Variants in ST3GAL4 observed in about 807,000 individuals in gnomAD.
ST3GAL4 encodes the protein ST3 beta-galactoside alpha-2,3-sialyltransferase 4, also known as CMP-N-acetylneuraminate-beta-galactosamide-alpha-2,3-sialyltransferase 4.
ST3GAL4 carries 24 observed loss-of-function variants against 42.6 expected under a neutral mutation model. The observed-to-expected ratio is 0.56, with a 90% CI of 0.41 to 0.79. The LOEUF (loss-of-function observed/expected upper bound fraction) is 0.79. Ranked by LOEUF, ST3GAL4 falls within the 30% of genes least tolerant of loss-of-function variation. ST3GAL4 has a pLI of 0.00. For synonymous variants in ST3GAL4, 135 were observed against 163.2 expected, an observed-to-expected ratio of 0.83 and a Z score of 1.32; for missense variants, 311 against 430.8, an observed-to-expected ratio of 0.72 and a Z score of 2.46.
In ST3GAL4 at chr11:126,359,326, T is replaced by C. The variant is rs904480094; in HGVS notation, c.-61+3484T>C. Among the ~76,000 whole-genome samples, 1 of 151,520 alleles carries C rather than the reference T, an allele frequency of 6.6e-6. No individual in the cohort carries two copies. The highest frequency in any genetic ancestry group is 1.5e-5 in the Non-Finnish European group (1 of 67,950). On this transcript the variant is annotated intron_variant, in intron 1 of 10. Coordinates refer to ENST00000444328, the MANE Select transcript of ST3GAL4 (RefSeq NM_001254757.2). This position sits in a 1 kb window ranked among gnomAD's most constrained non-coding sequence, Gnocchi z 4.8. ...AAAAAAAAAAAGATGTGCTAGACACTTTACGTCCCTTCATGTGAGCTTCAC... is the reference window on the plus strand; with the variant it reads ...AAAAAAAAAAAGATGTGCTAGACACCTTACGTCCCTTCATGTGAGCTTCAC...
chr11:126,369,350 C>T (rs1004543758), intron 1 of ST3GAL4, among the ~76,000 whole-genome samples: 8 of 151,960 alleles, frequency 5.3e-5, no homozygotes, highest in African/African-American at 1.9e-4. Flanking sequence ...TGGATTCAAG[C>T]GATTCTCATG....
intron 1 of ST3GAL4, among the ~76,000 whole-genome samples, chr11:126,371,353 C>T (rs1291228144): frequency 1.1e-4 from 16 of 151,398 alleles, no homozygotes; most frequent in African/African-American, 2.9e-4. Context: ...TTAGTAGAGA[C>T]GGGGTTTCAC....
chr11:126,395,396 C>T (rs1326254237), intron 1 of ST3GAL4, among the ~76,000 whole-genome samples: 3 of 152,062 alleles, frequency 2.0e-5, no homozygotes, highest in Admixed American at 6.5e-5. Flanking sequence ...AGAGAGATAG[C>T]CAGGCCCATG....
In ST3GAL4 at chr11:126,398,421, C is replaced by T. The variant is rs1045355116; in HGVS notation, c.-60-7675C>T. On this transcript the variant is annotated intron_variant, in intron 1 of 10. Coordinates refer to ENST00000444328, the MANE Select transcript of ST3GAL4 (RefSeq NM_001254757.2). This position sits in a 1 kb window ranked among gnomAD's most constrained non-coding sequence, Gnocchi z 4.7. ...TAGGGACTTGGGCCCCCAAGGCCTC[C>T]GGCAGCCCTGCTTCCCTGGCCTTGC... Among the ~76,000 whole-genome samples the T allele has an allele frequency of 9.8e-5, 15 of 152,318 alleles. No individual in the cohort carries two copies. The highest frequency in any genetic ancestry group is 1.9e-4 in the East Asian group (1 of 5,180).
chr11:126,410,304 G>A lies in ST3GAL4; in HGVS notation c.771+893G>A, dbSNP rs1484171739. 6.6e-6 allele frequency among the ~76,000 whole-genome samples: 1 copy of A among 152,174 alleles called. No homozygotes were observed. The highest frequency in any genetic ancestry group is 2.4e-5 in the African/African-American group (1 of 41,430). On this transcript the variant is annotated intron_variant, in intron 9 of 10. Transcript: ENST00000444328. This position sits in a 1 kb window ranked among gnomAD's most constrained non-coding sequence, Gnocchi z 5.3. ...GCAGTGCCCTGGTGGTCTTCAGCTG[G>A]TGGGCTTTAACCCACTTTGTAGCTT...
At chr11:126,375,592 T>G (rs1952806507) in intron 1 of ST3GAL4, among the ~76,000 whole-genome samples, 1 of 152,108 alleles carries the variant, frequency 6.6e-6, no homozygotes, top group Admixed American at 6.5e-5. Context: ...GGCTCTACAA[T>G]GGAGGTAATT....
rs1277015860 is a variant in ST3GAL4, at chr11:126,379,833, G to C, written c.-61+23991G>C. On this transcript the variant is annotated intron_variant, in intron 1 of 10. Transcript: ENST00000444328. This position sits in a 1 kb window ranked among gnomAD's most constrained non-coding sequence, Gnocchi z 4.2. ...TTGACAAGTCCAAAACTCTAAGAGA[G>C]CTCTCATTAGCTGTGAAACATGTAC... Among the ~76,000 whole-genome samples the C allele has an allele frequency of 6.6e-6, 1 of 152,138 alleles. No homozygotes were observed. Among genetic ancestry groups the C allele is most frequent in the Non-Finnish European group, 1.5e-5 (1 of 68,032 alleles).
Position 126,413,710 on chromosome 11 carries a change from C to T in ST3GAL4, c.915+62C>T. 3.8e-6 allele frequency: 6 copies of T among 1,599,832 alleles called. No homozygotes were observed. The South Asian group carries it at 6.7e-5, about 18-fold the overall frequency. ...GTGGACGGGCAGACAGTCAGAGGGG[C>T]ACTGGGTGAGTGGGAGCAGTGCTGA... is the stretch of plus-strand genomic sequence containing the variant. On this transcript the variant is annotated intron_variant, in intron 10 of 10. Transcript: ENST00000444328.
At chr11:126,413,809 C>A in intron 10 of ST3GAL4, 152 bp from the exon 11 acceptor site, 1 of 1,364,040 alleles carries the variant, frequency 7.3e-7, no homozygotes, top group Non-Finnish European at 1.0e-6. Context: ...CCTCCATGTT[C>A]AGCCACATGG....
Position 126,396,720 on chromosome 11 carries a change from T to C in ST3GAL4, c.-60-9376T>C, listed in dbSNP as rs1953782624. On this transcript the variant is annotated intron_variant, in intron 1 of 10. Transcript: ENST00000444328. This position sits in a 1 kb window ranked among gnomAD's most constrained non-coding sequence, Gnocchi z 5.8. Reference sequence around the variant, plus strand: ...CTGCACGGGATGGTTTTAGAAGCCGTAGGATGTGGAGGTTCTGGCTGAAGG... The same window carrying C: ...CTGCACGGGATGGTTTTAGAAGCCGCAGGATGTGGAGGTTCTGGCTGAAGG... Among the ~76,000 whole-genome samples, 1 of 150,028 alleles carries C rather than the reference T, an allele frequency of 6.7e-6. No individual in the cohort carries two copies. The highest frequency in any genetic ancestry group is 2.1e-4 in the South Asian group (1 of 4,778).
At chr11:126,381,340 C>T (rs956663224) in intron 1 of ST3GAL4, among the ~76,000 whole-genome samples, 3 of 152,154 alleles carry the variant, frequency 2.0e-5, no homozygotes, top group Admixed American at 1.3e-4. Context: ...AAAATGGGCA[C>T]CAGTTACTGT....
chr11:126,401,894 T>G (rs999400785), intron 1 of ST3GAL4, among the ~76,000 whole-genome samples: 3 of 151,676 alleles, frequency 2.0e-5, no homozygotes, highest in African/African-American at 7.2e-5. Context: ...AGGAGGGAGA[T>G]GCAGGGGTAG....
chr11:126,394,277 G>C (rs888438915), intron 1 of ST3GAL4, among the ~76,000 whole-genome samples: 1 of 152,224 alleles, frequency 6.6e-6, no homozygotes, highest in African/African-American at 2.4e-5. Context: ...AGGACCTGGG[G>C]CAGGTCCACA....
At chr11:126,362,782 C>T (rs1217500480) in intron 1 of ST3GAL4, among the ~76,000 whole-genome samples, 1 of 152,182 alleles carries the variant, frequency 6.6e-6, no homozygotes, top group Non-Finnish European at 1.5e-5. Context: ...GAGTATCTGC[C>T]ACGTCTCACA....
chr11:126,367,746 C>T (rs1385289078), intron 1 of ST3GAL4, among the ~76,000 whole-genome samples: 3 of 152,148 alleles, frequency 2.0e-5, no homozygotes, highest in South Asian at 2.1e-4. Context: ...TTTTTGAGCT[C>T]TCTGATCTTG....
chr11:126,357,557 A>C (rs1407216366), intron 1 of ST3GAL4, among the ~76,000 whole-genome samples: 1 of 152,008 alleles, frequency 6.6e-6, no homozygotes. Flanking sequence ...GCTTCTCAGG[A>C]AGAGAGTGCC....
At position 126,396,298 on chromosome 11, in the gene ST3GAL4, C is replaced by T. The variant is rs1299940572; in HGVS notation, c.-60-9798C>T. ...TGGAATGTGTGGAAGCAGGTACAGCCCAGGCCCGCGCTGAGGTTCGGCAGG... is the reference window on the plus strand; with the variant it reads ...TGGAATGTGTGGAAGCAGGTACAGCTCAGGCCCGCGCTGAGGTTCGGCAGG... On this transcript the variant is annotated intron_variant, in intron 1 of 10. Coordinates refer to ENST00000444328, the MANE Select transcript of ST3GAL4 (RefSeq NM_001254757.2). The surrounding 1 kb of genome is among the most constrained non-coding windows in gnomAD (Gnocchi z 5.8). Among the ~76,000 whole-genome samples the T allele has an allele frequency of 6.6e-6, 1 of 152,028 alleles. No individual in the cohort carries two copies. Among genetic ancestry groups the T allele is most frequent in the African/African-American group, 2.4e-5 (1 of 41,336 alleles).
rs1953242096 is a variant in ST3GAL4, at chr11:126,386,784, T to A, written c.-60-19312T>A. On this transcript the variant is annotated intron_variant, in intron 1 of 10. Coordinates refer to ENST00000444328, the MANE Select transcript of ST3GAL4 (RefSeq NM_001254757.2). The surrounding 1 kb of genome is among the most constrained non-coding windows in gnomAD (Gnocchi z 4.7). ...ACGCCCAGGTCTGTGCACATCCAGA[T>A]CTTTGCACTGCGCTGTTTTGACTTG... Among the ~76,000 whole-genome samples the A allele has an allele frequency of 2.0e-5, 3 of 152,162 alleles. No homozygotes were observed. The South Asian group carries it at 6.2e-4, about 32-fold the overall frequency.
chr11:126,402,177 C>T (rs115063051), intron 1 of ST3GAL4, among the ~76,000 whole-genome samples: 1 of 151,482 alleles, frequency 6.6e-6, no homozygotes, highest in African/African-American at 2.4e-5. Flanking sequence ...CAGTGATGGC[C>T]GAGCGTGGTG....
Sources: allele counts gnomAD v4.1 joint callset (sites outside exome capture counted in the v4.1 genomes callset), GRCh38; gene constraint gnomAD v4.1.1; non-coding constraint Gnocchi (gnomAD v3.1); transcripts MANE v1.5; gene names NCBI Gene and HGNC (gene_info 2026-07-23, HGNC 2026-07-21).